The following CELSR1 variants were observed in gnomAD, a reference collection of about 807,000 sequenced individuals.
The protein encoded by CELSR1 is adhesion G protein-coupled receptor C1.
In CELSR1, 110 loss-of-function variants were observed where a neutral mutation model predicts 249.1. The observed-to-expected ratio is 0.44, with a 90% CI of 0.38 to 0.52. CELSR1 has a LOEUF of 0.52. Ranked by LOEUF, CELSR1 falls within the 20% of genes least tolerant of loss-of-function variation. The pLI is 0.00. For synonymous variants in CELSR1, 2,113 were observed against 1,900.0 expected (o/e 1.11, Z -2.92); for missense variants, 4,109 against 4,296.4 (o/e 0.96, Z 1.22).
intron 20 of CELSR1, among the ~76,000 whole-genome samples, chr22:46,382,285 A>T (rs1037311216): frequency 1.3e-5 from 2 of 152,036 alleles, no homozygotes; most frequent in Non-Finnish European, 2.9e-5. Context: ...TTATTTATTT[A>T]TTTATTTTTT....
chr22:46,450,960 G>A (rs1335286783), intron 2 of CELSR1, among the ~76,000 whole-genome samples: 1 of 152,204 alleles, frequency 6.6e-6, no homozygotes, highest in African/African-American at 2.4e-5. Context: ...GCGCAAGGGC[G>A]AGGTTACTAT....
chr22:46,478,594 G>A (rs1022946100), intron 1 of CELSR1, among the ~76,000 whole-genome samples: 28 of 151,290 alleles, frequency 1.9e-4, no homozygotes, highest in African/African-American at 6.1e-4. Context: ...CCAGTCTAAA[G>A]TGCAGTGGTG....
intron 5 of CELSR1, among the ~76,000 whole-genome samples, chr22:46,432,684 T>C (rs547775219): frequency 1.6e-4 from 24 of 152,084 alleles, no homozygotes; most frequent in South Asian, 4.2e-4. Flanking sequence ...CCTTGAAGAG[T>C]GTTCTGGCTC....
Position 46,439,278 on chromosome 22 carries a change from G to A in CELSR1, c.4317C>T (p.Tyr1439=), listed in dbSNP as rs1379600186. Residue 1439 remains tyrosine (Y), a synonymous_variant, in exon 3 of 35, where the codon TAC becomes TAT. Transcript: ENST00000674500. Reference sequence around the variant, plus strand: ...GGAAGCTCCTGGTGGTCACCTCACAGTAGGGCCTCTCATACTCGCCAGGAG... The same window carrying A: ...GGAAGCTCCTGGTGGTCACCTCACAATAGGGCCTCTCATACTCGCCAGGAG... ...VCPPGEYERP[Y]CEVTTRSFPP... The A allele has an allele frequency of 6.2e-7, 1 of 1,614,050 alleles. No individual in the cohort carries two copies. The highest frequency in any genetic ancestry group is 1.3e-5 in the African/African-American group (1 of 74,930).
intron 1 of CELSR1, among the ~76,000 whole-genome samples, chr22:46,474,022 G>A (rs1223510738): frequency 2.6e-5 from 4 of 152,156 alleles, no homozygotes; most frequent in Admixed American, 1.3e-4. Context: ...GTCAAGCCAC[G>A]AGAGGAAGAG....
chr22:46,529,850 T>C (rs1480715689), intron 1 of CELSR1, among the ~76,000 whole-genome samples: 2 of 151,758 alleles, frequency 1.3e-5, no homozygotes, highest in African/African-American at 4.8e-5. Context: ...ACAGTGAGAC[T>C]ACAGTCAATA....
intron 2 of CELSR1, among the ~76,000 whole-genome samples, chr22:46,452,025 T>C (rs1432925696): frequency 6.6e-6 from 1 of 152,022 alleles, no homozygotes; most frequent in African/African-American, 2.4e-5. Context: ...GCAGGGGGGC[T>C]CCTCCTAGAG....
At position 46,448,480 on chromosome 22, in the gene CELSR1, T is replaced by A; in HGVS notation, c.4184-9069A>T. On this transcript the variant is annotated intron_variant, in intron 2 of 34. Coordinates refer to ENST00000674500, the MANE Select transcript of CELSR1 (RefSeq NM_001378328.1). This position sits in a 1 kb window ranked among gnomAD's most constrained non-coding sequence, Gnocchi z 5.7. ...GAGGGCTGGGAACGCGCTGGGAACG[T>A]GCCCCAGGAGGGGAAGGGCGTGTAA... 1 of 380,774 alleles carries A rather than the reference T, an allele frequency of 2.6e-6. No individual in the cohort carries two copies. The highest frequency in any genetic ancestry group is 2.0e-5 in the South Asian group (1 of 49,468). 23.6% of individuals were successfully genotyped at this position (380,774 alleles called of 1,614,324 possible).
intron 1 of CELSR1, among the ~76,000 whole-genome samples, chr22:46,481,992 C>T (rs964400134): frequency 3.3e-5 from 5 of 152,114 alleles, no homozygotes; most frequent in African/African-American, 1.2e-4. Flanking sequence ...AGGCTGGTCT[C>T]GAACTCCTGA....
intron 2 of CELSR1, 149 bp from the exon 3 acceptor site, chr22:46,439,560 G>A (rs181600379): frequency 3.1e-6 from 2 of 655,320 alleles, no homozygotes; most frequent in East Asian, 5.5e-5. Flanking sequence ...TCTGTGACAT[G>A]AACAGAAACC....
In CELSR1 at chr22:46,390,529, G is replaced by C; in HGVS notation, c.6251-43C>G. The C allele has an allele frequency of 6.9e-7, 1 of 1,443,748 alleles. No homozygotes were observed. The highest frequency in any genetic ancestry group is 9.7e-7 in the Non-Finnish European group (1 of 1,031,242). 89.4% of individuals were successfully genotyped at this position (1,443,748 alleles called of 1,614,324 possible). A position where few individuals can be genotyped will look rare whatever the true frequency, so the allele number is the denominator to read the frequency against. ...GTGTGCAAAGCCTGAAACTCAAACT[G>C]TTGATCAATGCTTGTGTATTTCAAT... On this transcript the variant is annotated intron_variant, in intron 16 of 34. Transcript: ENST00000674500. The surrounding 1 kb of genome is among the most constrained non-coding windows in gnomAD (Gnocchi z 6.3).
chr22:46,506,794 G>A lies in CELSR1; in HGVS notation c.3544+26833C>T, dbSNP rs1022521593. Among the ~76,000 whole-genome samples, 10 of 152,182 alleles carry A rather than the reference G, an allele frequency of 6.6e-5. No individual in the cohort carries two copies. The highest frequency in any genetic ancestry group is 2.4e-4 in the African/African-American group (10 of 41,444). On this transcript the variant is annotated intron_variant, in intron 1 of 34. Coordinates refer to ENST00000674500, the MANE Select transcript of CELSR1 (RefSeq NM_001378328.1). This position sits in a 1 kb window ranked among gnomAD's most constrained non-coding sequence, Gnocchi z 4.1. ...CTGAGATCTCTCCGGAAAGATGCCC[G>A]ATAACAGGAAGCTGAGGCCAAGCCC...
chr22:46,533,543 T>A, intron 1 of CELSR1, 84 bp downstream of exon 1: 1 of 1,492,052 alleles, frequency 6.7e-7, no homozygotes, highest in Non-Finnish European at 8.9e-7. Context: ...CGCCCCGGCA[T>A]GCCAGGCGGA....
intron 2 of CELSR1, among the ~76,000 whole-genome samples, chr22:46,451,186 C>T (rs2079879897): frequency 6.6e-6 from 1 of 152,166 alleles, no homozygotes; most frequent in South Asian, 2.1e-4. Context: ...TGAGTCACAC[C>T]TACAGGCGGC....
chr22:46,485,438 C>G (rs1318805626), intron 1 of CELSR1, among the ~76,000 whole-genome samples: 7 of 152,086 alleles, frequency 4.6e-5, no homozygotes, highest in African/African-American at 1.7e-4. Context: ...TAAGAAGATT[C>G]AAGCAAAGAC....
chr22:46,469,197 C>T (rs924104195), intron 1 of CELSR1, among the ~76,000 whole-genome samples: 8 of 152,134 alleles, frequency 5.3e-5, no homozygotes, highest in Admixed American at 6.6e-5. Flanking sequence ...CATGTGGCAG[C>T]CAGAGAGGTC....
At chr22:46,520,291 C>A (rs1391360765) in intron 1 of CELSR1, among the ~76,000 whole-genome samples, 1 of 152,166 alleles carries the variant, frequency 6.6e-6, no homozygotes, top group Non-Finnish European at 1.5e-5. Context: ...CAGGACAGGA[C>A]CAAAGGAACC....
In CELSR1 at chr22:46,473,715, T is replaced by C. The variant is rs943048628; in HGVS notation, c.3545-9370A>G. Among the ~76,000 whole-genome samples the C allele has an allele frequency of 3.9e-5, 6 of 152,180 alleles. No homozygotes were observed. Among genetic ancestry groups the C allele is most frequent in the Non-Finnish European group, 8.8e-5 (6 of 68,024 alleles). Reference sequence around the variant, plus strand: ...GTGCGTGCCTGTCCTTCCCGAGGCCTTCACAGCAGGCAGGGAGGGCCCTGC... The same window carrying C: ...GTGCGTGCCTGTCCTTCCCGAGGCCCTCACAGCAGGCAGGGAGGGCCCTGC... On this transcript the variant is annotated intron_variant, in intron 1 of 34. Transcript: ENST00000674500. The surrounding 1 kb of genome is among the most constrained non-coding windows in gnomAD (Gnocchi z 6.6).
chr22:46,377,085 A>C lies in CELSR1; in HGVS notation c.7560T>G (p.Ile2520Met). Residue 2520 changes from isoleucine (I) to methionine (M), a missense_variant, in exon 24 of 35, where the codon ATT (isoleucine) becomes ATG (methionine). By Grantham distance (10) the Ile-to-Met change is conservative. Around this residue, in one of 7 missense-constraint regions of CELSR1, gnomAD observed 1,805 missense variants for 1,831.6 expected, o/e 0.99. Coordinates refer to ENST00000674500, the MANE Select transcript of CELSR1 (RefSeq NM_001378328.1). ...ALFLSQLVFV[I>M]GINQTENPFL... ...CCGGGTTTTCCGTCTGGTTGATCCCAATCACGAACACCAGCTGAGAGAGGA... is the reference window on the plus strand; with the variant it reads ...CCGGGTTTTCCGTCTGGTTGATCCCCATCACGAACACCAGCTGAGAGAGGA... 6.2e-7 allele frequency: 1 copy of C among 1,613,402 alleles called. No individual in the cohort carries two copies. Among genetic ancestry groups the C allele is most frequent in the Non-Finnish European group, 8.5e-7 (1 of 1,179,866 alleles).
Sources: allele counts gnomAD v4.1 joint callset (sites outside exome capture counted in the v4.1 genomes callset), GRCh38; gene constraint gnomAD v4.1.1; regional missense constraint gnomAD v4.1.1; non-coding constraint Gnocchi (gnomAD v3.1); transcripts MANE v1.5; gene names NCBI Gene and HGNC (gene_info 2026-07-23, HGNC 2026-07-21).